MED12L: variants seen among roughly 807,000 people sequenced by gnomAD.
MED12L encodes the protein mediator of RNA polymerase II transcription subunit 12-like protein.
A neutral mutation model predicts 281.3 loss-of-function variants in MED12L; 60 were observed. The observed-to-expected ratio is 0.21, with a 90% confidence interval of 0.17 to 0.26. MED12L has a LOEUF of 0.26. Among genes scored for constraint, MED12L ranks in the 10% least tolerant of loss-of-function variants. The pLI is 1.00. For synonymous variants in MED12L, 974 were observed against 987.2 expected (o/e 0.99, Z 0.25); for missense variants, 2,146 against 2,680.9 (o/e 0.80, Z 4.41).
chr3:151,431,735 A>C (rs925773115), intron 44 of MED12L, among the ~76,000 whole-genome samples: 9 of 152,174 alleles, frequency 5.9e-5, no homozygotes, highest in African/African-American at 1.7e-4. Flanking sequence ...ATCTACTCTT[A>C]GTTCCTGTCT....
In MED12L at chr3:151,382,751, TG is replaced by T; in HGVS notation, c.4680+7del. On this transcript the variant is annotated splice_region_variant and intron_variant, in intron 33 of 44. Coordinates refer to ENST00000687756, the MANE Select transcript of MED12L (RefSeq NM_001393769.1). ...TGCAACTCCGCCTAAATTTGGTAAG[TG>T]ACATTTCTAGTATTTTCCCTCCATT... The T allele has an allele frequency of 3.1e-6, 5 of 1,604,186 alleles. No individual in the cohort carries two copies. The highest frequency in any genetic ancestry group is 4.3e-6 in the Non-Finnish European group (5 of 1,174,338).
chr3:151,209,359 A>C (rs1726817718), intron 16 of MED12L, among the ~76,000 whole-genome samples: 1 of 152,200 alleles, frequency 6.6e-6, no homozygotes, highest in African/African-American at 2.4e-5. Context: ...TTAATACGAC[A>C]TTTAATCATT....
At chr3:151,365,647 AC>A (rs1755184023) in intron 22 of MED12L, among the ~76,000 whole-genome samples, 1 of 152,224 alleles carries the variant, frequency 6.6e-6, no homozygotes, top group African/African-American at 2.4e-5. Context: ...TTGTTGCTTA[AC>A]AGCATTGTCA....
At chr3:151,179,770 A>G (rs1050487747) in intron 11 of MED12L, among the ~76,000 whole-genome samples, 1 of 152,224 alleles carries the variant, frequency 6.6e-6, no homozygotes, top group African/African-American at 2.4e-5. Context: ...TTAATCAGAC[A>G]TTGAAATCTG....
At position 151,355,118 on chromosome 3, in the gene MED12L, T is replaced by C. The variant is rs765399485; in HGVS notation, c.2399-3T>C. The C allele has an allele frequency of 5.6e-6, 9 of 1,605,160 alleles. No individual in the cohort carries two copies. The highest frequency in any genetic ancestry group is 1.1e-5 in the South Asian group (1 of 90,784). Reference sequence around the variant, plus strand: ...ATAATGGATCTGCTTTATGTTTATGTAGTTGGGGACGAAGGACAAAAAGCC... The same window carrying C: ...ATAATGGATCTGCTTTATGTTTATGCAGTTGGGGACGAAGGACAAAAAGCC... On this transcript the variant is annotated splice_polypyrimidine_tract_variant and splice_region_variant and intron_variant, in intron 17 of 44. Transcript: ENST00000687756.
At chr3:151,240,601 T>C (rs1733877693) in intron 16 of MED12L, among the ~76,000 whole-genome samples, 1 of 152,058 alleles carries the variant, frequency 6.6e-6, no homozygotes, top group Non-Finnish European at 1.5e-5. Flanking sequence ...GATTCAAATC[T>C]AGTTGTTTAT....
intron 16 of MED12L, among the ~76,000 whole-genome samples, chr3:151,260,282 T>C (rs764541463): frequency 5.9e-5 from 9 of 152,230 alleles, no homozygotes; most frequent in Non-Finnish European, 1.2e-4. Flanking sequence ...AAATGCATTA[T>C]GAACTTATGT....
chr3:151,136,802 C>G (rs1716197240), intron 5 of MED12L, among the ~76,000 whole-genome samples: 1 of 152,142 alleles, frequency 6.6e-6, no homozygotes, highest in African/African-American at 2.4e-5. Flanking sequence ...CCTTTGATTT[C>G]AATTTTGGGA....
intron 35 of MED12L, chr3:151,384,777 A>G (rs564210232): frequency 2.6e-6 from 1 of 381,826 alleles, no homozygotes; most frequent in African/African-American, 2.1e-5. Flanking sequence ...GATTTTTGTC[A>G]TTTCAGCACT....
chr3:151,230,126 C>T (rs1046212197), intron 16 of MED12L, among the ~76,000 whole-genome samples: 2 of 152,078 alleles, frequency 1.3e-5, no homozygotes, highest in Non-Finnish European at 2.9e-5. Flanking sequence ...CCCGCCACCA[C>T]GCCTGGCTAA....
intron 5 of MED12L, among the ~76,000 whole-genome samples, chr3:151,138,002 T>C (rs1406198100): frequency 1.3e-5 from 2 of 152,214 alleles, no homozygotes; most frequent in African/African-American, 4.8e-5. Flanking sequence ...TTTGCTTCTA[T>C]CTCCATCTTT....
chr3:151,178,435 C>T lies in MED12L; in HGVS notation c.1495-6895C>T, dbSNP rs374730959. On this transcript the variant is annotated intron_variant, in intron 11 of 44. Transcript: ENST00000687756. ...CAAAAGGGAGCAGAATACTCTGAGG[C>T]TGTGTAAGCATTGAGGAGGGTGGAG... is the stretch of plus-strand genomic sequence containing the variant. Among the ~76,000 whole-genome samples the T allele has an allele frequency of 1.3e-5, 2 of 152,062 alleles. 1 individual carries two copies. The highest frequency in any genetic ancestry group is 1.3e-4 in the Admixed American group (2 of 15,258).
Position 151,327,866 on chromosome 3 carries a change from T to C in MED12L, c.2251-22193T>C, listed in dbSNP as rs1033860803. 4 of 688,244 alleles carry C rather than the reference T, an allele frequency of 5.8e-6. No homozygotes were observed. In the Admixed American group the frequency reaches 8.6e-5, roughly 15 times the overall value. 42.6% of individuals were successfully genotyped at this position (688,244 alleles called of 1,614,324 possible). On this transcript the variant is annotated intron_variant, in intron 16 of 44. Transcript: ENST00000687756. Reference sequence around the variant, plus strand: ...GATTTAAATTTTATATAATCTTTTCTGTACACGAGGATAATAAAATGTAAG... The same window carrying C: ...GATTTAAATTTTATATAATCTTTTCCGTACACGAGGATAATAAAATGTAAG...
chr3:151,432,572 C>T lies in MED12L; in HGVS notation c.6491-180C>T, dbSNP rs1256248682. ...GTGTGGACTGTGAATAAAGGTGTCC[C>T]CTCTGCAGGGTGGTACTTGAATCCC... On this transcript the variant is annotated intron_variant, in intron 44 of 44. Coordinates refer to ENST00000687756, the MANE Select transcript of MED12L (RefSeq NM_001393769.1). 7.8e-6 allele frequency: 4 copies of T among 513,750 alleles called. No individual in the cohort carries two copies. In the East Asian group the frequency reaches 1.2e-4, roughly 16 times the overall value. 31.8% of individuals were successfully genotyped at this position (513,750 alleles called of 1,614,324 possible). A position where few individuals can be genotyped will look rare whatever the true frequency, so the allele number is the denominator to read the frequency against.
chr3:151,143,747 G>C (rs1223566773), intron 5 of MED12L, among the ~76,000 whole-genome samples: 1 of 152,146 alleles, frequency 6.6e-6, no homozygotes, highest in Non-Finnish European at 1.5e-5. Flanking sequence ...CAGAAGCAAA[G>C]TGGTGGCCTG....
intron 16 of MED12L, among the ~76,000 whole-genome samples, chr3:151,307,533 C>CTGTGTGTG (rs67391329): frequency 3.6e-5 from 5 of 137,802 alleles, no homozygotes; most frequent in South Asian, 5.0e-4. Flanking sequence ...GTAACTTGCT[C>CTGTGTGTG]TGTGTGTGTG....
At chr3:151,389,242 T>A (rs1421954439) in intron 37 of MED12L, among the ~76,000 whole-genome samples, 3 of 152,130 alleles carry the variant, frequency 2.0e-5, no homozygotes, top group Non-Finnish European at 4.4e-5. Context: ...TCTTTTCTGA[T>A]GAAAAAGCCC....
In MED12L at chr3:151,147,926, C is replaced by T. The variant is rs1050790540; in HGVS notation, c.557-8235C>T. ...GATTATGTGATGACATTATATTTAA[C>T]CTTTTGTGGAACTATCCTACTGTTT... On this transcript the variant is annotated intron_variant, in intron 5 of 44. Coordinates refer to ENST00000687756, the MANE Select transcript of MED12L (RefSeq NM_001393769.1). Among the ~76,000 whole-genome samples the T allele has an allele frequency of 2.6e-5, 4 of 152,246 alleles. No individual in the cohort carries two copies. The East Asian group carries it at 5.8e-4, about 22-fold the overall frequency.
chr3:151,435,059 TTTC>T lies in MED12L; in HGVS notation c.*2258_*2260del, dbSNP rs1394640689. On this transcript the variant is annotated 3_prime_UTR_variant, in exon 45 of 45. Transcript: ENST00000687756. ...CCTGTTAATTCTGTATCTTGAGAGG[TTTC>T]TTTTTTTTTTTTTTTTTTTTCTTTT... is the stretch of plus-strand genomic sequence containing the variant. The T allele has an allele frequency of 2.0e-5, 2 of 99,740 alleles. No individual in the cohort carries two copies. Among genetic ancestry groups the T allele is most frequent in the East Asian group, 2.3e-4 (1 of 4,342 alleles). The allele number at this position is 99,740 out of a possible 1,614,324, so 6.2% of individuals were successfully genotyped here.
Sources: gnomAD v4.1 joint callset for allele counts (sites outside exome capture counted in the v4.1 genomes callset) on GRCh38, gnomAD v4.1.1 for gene constraint, MANE v1.5 for transcripts, NCBI Gene and HGNC (gene_info 2026-07-23, HGNC 2026-07-21) for gene names.